GSR: variants seen among roughly 807,000 people sequenced by gnomAD.
GSR encodes glutathione reductase, mitochondrial.
Under a neutral mutation model 56.5 loss-of-function variants are expected in GSR, and 48 were observed. That is an observed-to-expected ratio of 0.85 (90% CI 0.67 to 1.08). The LOEUF (loss-of-function observed/expected upper bound fraction) is 1.08, where lower values mean the gene tolerates loss of function less well. Among genes scored for constraint, GSR ranks in the 50% least tolerant of loss-of-function variants. The pLI is 0.00. For synonymous variants in GSR, 264 were observed against 270.8 expected, an observed-to-expected ratio of 0.97 and a Z score of 0.25; for missense variants, 694 against 703.3, an observed-to-expected ratio of 0.99 and a Z score of 0.15.
Position 30,703,254 on chromosome 8 carries a change from C to T in GSR, c.493-14G>A. On this transcript the variant is annotated splice_polypyrimidine_tract_variant and intron_variant, in intron 4 of 12. Transcript: ENST00000221130. Reference sequence around the variant, plus strand: ...TTCTATATGGGACTAAAGAAGGAACCATGACATTAGCCTGTTCTTAGAATA... The same window carrying T: ...TTCTATATGGGACTAAAGAAGGAACTATGACATTAGCCTGTTCTTAGAATA... The T allele has an allele frequency of 6.2e-7, 1 of 1,612,164 alleles. No individual in the cohort carries two copies. Among genetic ancestry groups the T allele is most frequent in the African/African-American group, 1.3e-5 (1 of 75,002 alleles).
At chr8:30,705,701 C>CACCT (rs918628715) in intron 4 of GSR, among the ~76,000 whole-genome samples, 9 of 151,926 alleles carry the variant, frequency 5.9e-5, no homozygotes, top group Admixed American at 5.3e-4. Flanking sequence ...CAGTGCCCTC[C>CACCT]AGTCTGCTCA....
At chr8:30,683,613 C>A (rs1319789998) in intron 10 of GSR, among the ~76,000 whole-genome samples, 1 of 151,824 alleles carries the variant, frequency 6.6e-6, no homozygotes, top group South Asian at 2.1e-4. Flanking sequence ...ATGGTAAAAC[C>A]CTGTCTCTAC....
intron 2 of GSR, among the ~76,000 whole-genome samples, chr8:30,711,415 C>G (rs1213670467): frequency 6.6e-6 from 1 of 152,076 alleles, no homozygotes; most frequent in Non-Finnish European, 1.5e-5. Context: ...ATATTAACAA[C>G]GAAAAAATCA....
intron 9 of GSR, among the ~76,000 whole-genome samples, chr8:30,687,237 A>C (rs936185642): frequency 6.6e-6 from 1 of 152,226 alleles, no homozygotes; most frequent in Non-Finnish European, 1.5e-5. Context: ...TTTATAAGTT[A>C]ACATGCAGAA....
intron 3 of GSR, among the ~76,000 whole-genome samples, chr8:30,708,355 T>A (rs1200983260): frequency 1.3e-5 from 2 of 152,156 alleles, no homozygotes; most frequent in Admixed American, 1.3e-4. Flanking sequence ...GAGAACACAC[T>A]CAGTTGGCAT....
intron 7 of GSR, among the ~76,000 whole-genome samples, chr8:30,696,113 C>T (rs530953117): frequency 8.6e-4 from 131 of 152,266 alleles, no homozygotes; most frequent in Middle Eastern, 3.4e-3. Context: ...TTAGGCCCCA[C>T]GTCTCCCTAT....
In GSR at chr8:30,712,107, GAC is replaced by G. The variant is rs1253717351; in HGVS notation, c.307-21_307-20del. ...CATTCACCTGGAAAAAAAAAAAAGA[GAC>G]ACACTTTAAGAATATTGAATTCAAA... is the stretch of plus-strand genomic sequence containing the variant. On this transcript the variant is annotated intron_variant, in intron 1 of 12. Transcript: ENST00000221130. The G allele has an allele frequency of 4.5e-6, 6 of 1,347,302 alleles. No individual in the cohort carries two copies. The highest frequency in any genetic ancestry group is 4.6e-5 in the East Asian group (2 of 43,176). The allele number at this position is 1,347,302 out of a possible 1,614,324, so 83.5% of individuals were successfully genotyped here. A position where few individuals can be genotyped will look rare whatever the true frequency, so the allele number is the denominator to read the frequency against.
At chr8:30,715,664 G>A (rs1804308227) in intron 1 of GSR, among the ~76,000 whole-genome samples, 1 of 152,114 alleles carries the variant, frequency 6.6e-6, no homozygotes, top group African/African-American at 2.4e-5. Flanking sequence ...GACTCCAAAA[G>A]CAATTTTCCC....
chr8:30,685,156 T>C (rs1803118314), intron 9 of GSR, among the ~76,000 whole-genome samples: 2 of 151,978 alleles, frequency 1.3e-5, no homozygotes, highest in African/African-American at 2.4e-5. Flanking sequence ...GAGACGGGGT[T>C]TCACCATGTT....
intron 4 of GSR, among the ~76,000 whole-genome samples, chr8:30,706,631 C>T (rs1289296815): frequency 6.6e-6 from 1 of 152,104 alleles, no homozygotes. Context: ...AAGTGATGCA[C>T]AGGTTGTCAA....
chr8:30,722,352 G>A (rs184706868), intron 1 of GSR, among the ~76,000 whole-genome samples: 32 of 152,198 alleles, frequency 2.1e-4, no homozygotes, highest in Middle Eastern at 3.4e-3. Flanking sequence ...CTTCTATTTC[G>A]GAGGGCTATC....
chr8:30,698,067 T>C (rs796087393), intron 6 of GSR, among the ~76,000 whole-genome samples: 23 of 152,282 alleles, frequency 1.5e-4, no homozygotes, highest in African/African-American at 5.1e-4. Flanking sequence ...GGACTACTCA[T>C]GCACAGTATT....
chr8:30,717,761 T>C (rs570834426), intron 1 of GSR, among the ~76,000 whole-genome samples: 11 of 149,154 alleles, frequency 7.4e-5, no homozygotes, highest in Non-Finnish European at 1.6e-4. Flanking sequence ...CATAATTATT[T>C]CATTATATAT....
chr8:30,707,811 G>T (rs1457889759), intron 4 of GSR, among the ~76,000 whole-genome samples: 4 of 151,952 alleles, frequency 2.6e-5, no homozygotes, highest in African/African-American at 9.7e-5. Context: ...ACAAAAATTC[G>T]ATGGGTGTGG....
chr8:30,715,095 C>T (rs1303374331), intron 1 of GSR, among the ~76,000 whole-genome samples: 1 of 151,924 alleles, frequency 6.6e-6, no homozygotes. Context: ...CTGGGCAACA[C>T]AGTGAGACCC....
At chr8:30,705,801 C>T (rs979574304) in intron 4 of GSR, among the ~76,000 whole-genome samples, 3 of 152,078 alleles carry the variant, frequency 2.0e-5, no homozygotes, top group African/African-American at 7.2e-5. Flanking sequence ...CTATACTCAG[C>T]CTTAAAATCT....
intron 5 of GSR, among the ~76,000 whole-genome samples, chr8:30,702,252 G>A (rs1803770096): frequency 6.7e-6 from 1 of 149,836 alleles, no homozygotes; most frequent in African/African-American, 2.5e-5. Context: ...CCCAGGAGGT[G>A]GAGGTTGCAG....
In GSR at chr8:30,685,815, A is replaced by C. The variant is rs534236938; in HGVS notation, c.1042-1616T>G. Reference sequence around the variant, plus strand: ...ACATGGTGAAACCCTGTCTCTACTAAAAATACTAAAAATTCGCCAGGCATG... The same window carrying C: ...ACATGGTGAAACCCTGTCTCTACTACAAATACTAAAAATTCGCCAGGCATG... On this transcript the variant is annotated intron_variant, in intron 9 of 12. Coordinates refer to ENST00000221130, the MANE Select transcript of GSR (RefSeq NM_000637.5). 5.9e-5 allele frequency among the ~76,000 whole-genome samples: 9 copies of C among 152,042 alleles called. No individual in the cohort carries two copies. The South Asian group carries it at 1.9e-3, about 32-fold the overall frequency.
Position 30,681,931 on chromosome 8 carries a change from T to C in GSR, c.1284A>G (p.Glu428=). The part of the protein sequence containing the change: ...HPPIGTVGLT[E]DEAIHKYGIE... ...GACCTTCAGTTTTTAAATACCTACC[T>C]TCCGTGAGTCCCACTGTCCCAATAG... is the stretch of plus-strand genomic sequence containing the variant. The change falls in exon 11 of 13, where the codon GAA becomes GAG. Residue 428 remains glutamate (E), a splice_region_variant and synonymous_variant. Transcript: ENST00000221130. The C allele has an allele frequency of 6.2e-7, 1 of 1,613,802 alleles. No individual in the cohort carries two copies. The highest frequency in any genetic ancestry group is 8.5e-7 in the Non-Finnish European group (1 of 1,179,708).
Sources: allele counts gnomAD v4.1 joint callset (sites outside exome capture counted in the v4.1 genomes callset), GRCh38; gene constraint gnomAD v4.1.1; transcripts MANE v1.5; gene names NCBI Gene and HGNC (gene_info 2026-07-23, HGNC 2026-07-21).